Variants in DYNC1I1 observed in about 807,000 individuals in gnomAD.
DYNC1I1 encodes dynein cytoplasmic 1 intermediate chain 1.
DYNC1I1 carries 43 observed loss-of-function variants against 86.6 expected under a neutral mutation model. The ratio of observed to expected loss-of-function variants is 0.50; its 90% CI spans 0.39 to 0.64. The LOEUF is 0.64. Among genes scored for constraint, DYNC1I1 ranks in the 30% least tolerant of loss-of-function variants. The probability of loss-of-function intolerance (pLI) is 0.00; values close to 1 mark genes in which losing one functional copy is unlikely to be tolerated. For missense variants in DYNC1I1, 604 were observed against 788.8 expected (o/e 0.77, Z 2.81); for synonymous variants, 262 against 283.7 (o/e 0.92, Z 0.77).
chr7:95,957,162 G>A (rs1407671983), intron 6 of DYNC1I1, among the ~76,000 whole-genome samples: 1 of 152,162 alleles, frequency 6.6e-6, no homozygotes, highest in Non-Finnish European at 1.5e-5. Flanking sequence ...ACTATGAAAT[G>A]AGGCTAAAAT....
chr7:95,887,109 A>G (rs75907691), intron 6 of DYNC1I1, among the ~76,000 whole-genome samples: 3,780 of 152,248 alleles, frequency 0.025, 134 homozygotes, highest in African/African-American at 0.078. Context: ...TTCCGTCTCT[A>G]TGCTCTGGTC....
intron 14 of DYNC1I1, among the ~76,000 whole-genome samples, chr7:96,071,869 A>G (rs1349657997): frequency 6.6e-6 from 1 of 152,200 alleles, no homozygotes; most frequent in African/African-American, 2.4e-5. Context: ...AATAGAGGTA[A>G]CAGATCTATT....
intron 16 of DYNC1I1, among the ~76,000 whole-genome samples, chr7:96,094,102 A>G (rs568264056): frequency 8.0e-4 from 122 of 152,180 alleles, no homozygotes; most frequent in Admixed American, 2.5e-3. Context: ...TAATGCCAGT[A>G]TTCACACAGT....
chr7:95,836,310 T>G (rs868869064), intron 5 of DYNC1I1, among the ~76,000 whole-genome samples: 57 of 152,212 alleles, frequency 3.7e-4, no homozygotes, highest in African/African-American at 1.0e-3. Flanking sequence ...CTCTCTTCTG[T>G]CTTGTAGGGT....
chr7:95,937,733 C>CA (rs552316513), intron 6 of DYNC1I1, among the ~76,000 whole-genome samples: 1 of 151,582 alleles, frequency 6.6e-6, no homozygotes, highest in African/African-American at 2.4e-5. Context: ...AATATTAAAA[C>CA]AAAAAAATGC....
intron 6 of DYNC1I1, among the ~76,000 whole-genome samples, chr7:95,930,920 A>T (rs972919557): frequency 6.6e-6 from 1 of 152,150 alleles, no homozygotes; most frequent in Non-Finnish European, 1.5e-5. Context: ...TGTAGGTTCT[A>T]GGCTACAGTA....
intron 7 of DYNC1I1, among the ~76,000 whole-genome samples, chr7:95,981,189 T>C (rs1793449459): frequency 6.6e-6 from 1 of 152,050 alleles, no homozygotes; most frequent in Non-Finnish European, 1.5e-5. Flanking sequence ...CATTATAAAT[T>C]GTACATTTTT....
At chr7:95,959,575 C>G (rs1440384874) in intron 6 of DYNC1I1, among the ~76,000 whole-genome samples, 6 of 152,076 alleles carry the variant, frequency 3.9e-5, no homozygotes, top group African/African-American at 1.4e-4. Context: ...AAGTTAGGAT[C>G]CAGGAAGAAG....
At chr7:95,870,023 T>C in intron 6 of DYNC1I1, 25 bp downstream of exon 6, 2 of 1,586,438 alleles carry the variant, frequency 1.3e-6, no homozygotes, top group Non-Finnish European at 1.7e-6. Context: ...TGGCTTACTT[T>C]CCATATTATC....
chr7:95,853,561 C>CT (rs905097167), intron 5 of DYNC1I1, among the ~76,000 whole-genome samples: 10 of 152,260 alleles, frequency 6.6e-5, no homozygotes, highest in African/African-American at 2.2e-4. Context: ...TTTATTAGGA[C>CT]TTTTTTTGTG....
In DYNC1I1 at chr7:96,063,362, GA is replaced by G. The variant is rs965319856; in HGVS notation, c.1510-12686del. On this transcript the variant is annotated intron_variant, in intron 14 of 16. Transcript: ENST00000447467. Reference sequence around the variant, plus strand: ...GTGTCTGTGCATTAGAGGCCAAGAGGAAAAAAAAAGTCTGCCTTCTCTTCTC... The same window carrying G: ...GTGTCTGTGCATTAGAGGCCAAGAGGAAAAAAAAGTCTGCCTTCTCTTCTC... Among the ~76,000 whole-genome samples, 13 of 150,378 alleles carry G rather than the reference GA, an allele frequency of 8.6e-5. 1 individual carries two copies. The South Asian group carries it at 2.3e-3, about 27-fold the overall frequency.
intron 14 of DYNC1I1, among the ~76,000 whole-genome samples, chr7:96,059,026 C>T (rs989294844): frequency 1.3e-4 from 20 of 152,022 alleles, no homozygotes; most frequent in African/African-American, 3.9e-4. Flanking sequence ...TGAACCATTG[C>T]TTCTGAGGGA....
chr7:95,781,976 A>G (rs10246295), intron 1 of DYNC1I1, among the ~76,000 whole-genome samples: 15,711 of 152,166 alleles, frequency 0.1, 1,485 homozygotes, highest in African/African-American at 0.25. Context: ...TGCCAACCTC[A>G]GTGGACCAAC....
At chr7:95,956,252 T>C (rs892942082) in intron 6 of DYNC1I1, among the ~76,000 whole-genome samples, 5 of 152,066 alleles carry the variant, frequency 3.3e-5, no homozygotes, top group African/African-American at 1.2e-4. Flanking sequence ...TACGTAGTAT[T>C]AAGTGCTTAT....
At chr7:96,092,890 A>C in intron 16 of DYNC1I1, among the ~76,000 whole-genome samples, 1 of 152,156 alleles carries the variant, frequency 6.6e-6, no homozygotes, top group East Asian at 1.9e-4. Context: ...AAAACACATT[A>C]CCTGCCTGCC....
intron 14 of DYNC1I1, among the ~76,000 whole-genome samples, chr7:96,063,493 A>G (rs529176373): frequency 1.3e-5 from 2 of 152,294 alleles, no homozygotes; most frequent in African/African-American, 4.8e-5. Context: ...CTAGAAGTTC[A>G]AGATCAAGGT....
intron 6 of DYNC1I1, among the ~76,000 whole-genome samples, chr7:95,938,929 C>A (rs547077109): frequency 6.6e-6 from 1 of 152,260 alleles, no homozygotes; most frequent in East Asian, 1.9e-4. Context: ...CTCTTTTGGG[C>A]ATTTAGTGCT....
At chr7:95,905,235 A>G (rs1331515097) in intron 6 of DYNC1I1, among the ~76,000 whole-genome samples, 2 of 152,206 alleles carry the variant, frequency 1.3e-5, no homozygotes, top group Non-Finnish European at 2.9e-5. Context: ...CTTGGAAAGT[A>G]ATTGAGGTCA....
chr7:95,979,039 C>A (rs1793386215), intron 7 of DYNC1I1, among the ~76,000 whole-genome samples: 1 of 152,150 alleles, frequency 6.6e-6, no homozygotes, highest in African/African-American at 2.4e-5. Context: ...CGTGATCCAC[C>A]CGCCTTAGCC....
Sources: gnomAD v4.1 joint callset for allele counts (sites outside exome capture counted in the v4.1 genomes callset) on GRCh38, gnomAD v4.1.1 for gene constraint, MANE v1.5 for transcripts, NCBI Gene and HGNC (gene_info 2026-07-23, HGNC 2026-07-21) for gene names.